PKHD1: variants seen among roughly 807,000 people sequenced by gnomAD.
The protein encoded by PKHD1 is PKHD1 ciliary IPT domain containing fibrocystin/polyductin, also known as fibrocystin.
PKHD1 carries 291 observed loss-of-function variants against 412.0 expected under a neutral mutation model. The observed-to-expected ratio is 0.71, with a 90% CI of 0.64 to 0.78. PKHD1 has a LOEUF of 0.78. PKHD1 is among the 30% of genes least tolerant of loss of function. The pLI is 0.00. For missense variants in PKHD1, 4,825 were observed against 4,950.7 expected (o/e 0.97, Z 0.76); for synonymous variants, 1,777 against 1,821.5 (o/e 0.98, Z 0.62).
At chr6:51,667,389 G>T (rs1428683506) in intron 60 of PKHD1, among the ~76,000 whole-genome samples, 1 of 151,304 alleles carries the variant, frequency 6.6e-6, no homozygotes, top group African/African-American at 2.4e-5. Context: ...TTTTAATGGG[G>T]TTGTTTGTTT....
intron 60 of PKHD1, 44 bp from the exon 61 acceptor site, chr6:51,660,013 T>C (rs1305828092): frequency 8.6e-7 from 1 of 1,162,760 alleles, no homozygotes; most frequent in African/African-American, 1.5e-5. Context: ...TGAATTATAA[T>C]CTGTCAATGA....
intron 12 of PKHD1, 38 bp downstream of exon 12, chr6:52,065,938 A>C: frequency 2.0e-6 from 2 of 998,754 alleles, no homozygotes; most frequent in Non-Finnish European, 1.6e-6. Context: ...AGAGCATCTA[A>C]AACTATGAAC....
intron 12 of PKHD1, 66 bp downstream of exon 12, chr6:52,065,910 A>G (rs1046832442): frequency 1.4e-5 from 12 of 831,490 alleles, no homozygotes; most frequent in African/African-American, 5.0e-5. Flanking sequence ...CTCATGCCAT[A>G]CAGACATATA....
rs1320070614 is a variant in PKHD1, at chr6:51,981,612, C to T, written c.5752-21586G>A. 2.7e-4 allele frequency among the ~76,000 whole-genome samples: 29 copies of T among 107,320 alleles called. 1 individual carries two copies. The South Asian group carries it at 8.3e-3, about 31-fold the overall frequency. 70.4% of individuals were successfully genotyped at this position (107,320 alleles called of 152,430 possible). On this transcript the variant is annotated intron_variant, in intron 35 of 66. Coordinates refer to ENST00000371117, the MANE Select transcript of PKHD1 (RefSeq NM_138694.4). The stretch of plus-strand genomic sequence containing the variant: ...GGGATTGCGGACGGAGTCTCGTTCA[C>T]TCAGTGCTCAGTGGGTGCCCAGGCT...
At chr6:52,075,283 G>C (rs1276010946) in intron 6 of PKHD1, among the ~76,000 whole-genome samples, 1 of 152,096 alleles carries the variant, frequency 6.6e-6, no homozygotes, top group East Asian at 1.9e-4. Context: ...AATATAAAAC[G>C]CTTTTCAATA....
At chr6:52,024,456 G>C in intron 32 of PKHD1, 118 bp downstream of exon 32, 2 of 942,516 alleles carry the variant, frequency 2.1e-6, no homozygotes, top group Admixed American at 1.7e-5. Context: ...TAAGAAGCCA[G>C]TGGGCTTCTC....
chr6:51,717,115 G>A (rs986164991), intron 60 of PKHD1, among the ~76,000 whole-genome samples: 1 of 152,134 alleles, frequency 6.6e-6, no homozygotes, highest in Non-Finnish European at 1.5e-5. Flanking sequence ...ACTACATTAC[G>A]ACATTCCAGT....
chr6:52,081,778 A>G (rs1356273796), intron 4 of PKHD1, among the ~76,000 whole-genome samples: 1 of 152,196 alleles, frequency 6.6e-6, no homozygotes, highest in Non-Finnish European at 1.5e-5. Context: ...TCAAAGAGAG[A>G]ACAGAAAAGA....
At chr6:51,758,053 A>AGAGAGAGAGAGAG (rs1491172795) in intron 55 of PKHD1, among the ~76,000 whole-genome samples, 46 of 148,312 alleles carry the variant, frequency 3.1e-4, no homozygotes, top group East Asian at 6.1e-4. Flanking sequence ...AGAGAGAGAG[A>AGAGAGAGAGAGAG]AAACAAAGCA....
At chr6:52,024,424 C>T (rs1395704625) in intron 32 of PKHD1, 150 bp downstream of exon 32, 1 of 753,242 alleles carries the variant, frequency 1.3e-6, no homozygotes, top group Non-Finnish European at 2.3e-6. Flanking sequence ...CAAAGACAAG[C>T]CTCAGGAAGG....
In PKHD1 at chr6:52,028,224, C is replaced by A. The variant is rs1386858971; in HGVS notation, c.3492G>T (p.Leu1164=). The A allele has an allele frequency of 1.2e-6, 2 of 1,614,200 alleles. No individual in the cohort carries two copies. Among genetic ancestry groups the A allele is most frequent in the East Asian group, 2.2e-5 (1 of 44,878 alleles). Residue 1164 remains leucine (L), a synonymous_variant, in exon 30 of 67, where the codon CTG becomes CTT. Transcript: ENST00000371117. The part of the protein sequence containing the change: ...TQSAWGLEVA[L]PPLPAGLHRI... Reference sequence around the variant, plus strand: ...TGTGGAGACCAGCTGGCAGTGGGGGCAGTGCCACCTCCAGGCCCCAAGCCG... The same window carrying A: ...TGTGGAGACCAGCTGGCAGTGGGGGAAGTGCCACCTCCAGGCCCCAAGCCG...
At chr6:51,772,664 C>T (rs780603855) in intron 55 of PKHD1, 38 bp downstream of exon 55, 13 of 1,053,016 alleles carry the variant, frequency 1.2e-5, no homozygotes, top group East Asian at 2.4e-5. Flanking sequence ...ACCTAAACAA[C>T]AACCAAGAAA....
intron 60 of PKHD1, among the ~76,000 whole-genome samples, chr6:51,707,569 G>A (rs1034935046): frequency 6.6e-5 from 10 of 152,012 alleles, no homozygotes; most frequent in African/African-American, 2.4e-4. Flanking sequence ...CCCAACTCCA[G>A]CTACCACTCT....
At chr6:52,047,601 G>C (rs1409840474) in intron 23 of PKHD1, among the ~76,000 whole-genome samples, 2 of 152,150 alleles carry the variant, frequency 1.3e-5, no homozygotes, top group African/African-American at 2.4e-5. Flanking sequence ...TTCTACATTT[G>C]TTGGGACCAC....
intron 40 of PKHD1, 55 bp downstream of exon 40, chr6:51,909,228 G>T: frequency 7.9e-7 from 1 of 1,268,870 alleles, no homozygotes; most frequent in Non-Finnish European, 1.2e-6. Flanking sequence ...TGCATGTAGT[G>T]CCTTAAACAT....
At chr6:51,772,294 AT>A (rs1204845040) in intron 55 of PKHD1, among the ~76,000 whole-genome samples, 1 of 147,302 alleles carries the variant, frequency 6.8e-6, no homozygotes, top group Non-Finnish European at 1.5e-5. Flanking sequence ...GCATTATTAA[AT>A]TTCACAATAT....
chr6:51,755,995 TTAA>T (rs1420414976), intron 55 of PKHD1, among the ~76,000 whole-genome samples: 6 of 152,098 alleles, frequency 3.9e-5, no homozygotes, highest in African/African-American at 1.4e-4. Flanking sequence ...GGAGTACATA[TTAA>T]TAATACAGAT....
At chr6:51,796,907 G>A (rs1794707027) in intron 52 of PKHD1, among the ~76,000 whole-genome samples, 1 of 150,614 alleles carries the variant, frequency 6.6e-6, no homozygotes, top group South Asian at 2.1e-4. Flanking sequence ...CAGCCTCCTG[G>A]ATTCAAATGG....
chr6:51,754,721 AG>A, intron 56 of PKHD1, 62 bp downstream of exon 56: 2 of 1,414,398 alleles, frequency 1.4e-6, no homozygotes, highest in Non-Finnish European at 2.0e-6. Context: ...GTCCCCAGCT[AG>A]GTTACCAAAC....
Sources: gnomAD v4.1 joint callset for allele counts (sites outside exome capture counted in the v4.1 genomes callset) on GRCh38, gnomAD v4.1.1 for gene constraint, MANE v1.5 for transcripts, NCBI Gene and HGNC (gene_info 2026-07-23, HGNC 2026-07-21) for gene names.